The following SEPTIN12 variants were observed in gnomAD, a reference collection of about 807,000 sequenced individuals.
SEPTIN12 encodes the protein septin 12.
SEPTIN12 carries 42 observed loss-of-function variants against 37.7 expected under a neutral mutation model. The observed-to-expected ratio is 1.11, with a 90% CI of 0.87 to 1.44. SEPTIN12 has a LOEUF of 1.44. Ranked by LOEUF, SEPTIN12 falls within the 40% of genes most tolerant of loss-of-function variation. SEPTIN12 has a pLI of 0.00. For missense variants in SEPTIN12, 613 were observed against 479.2 expected, an observed-to-expected ratio of 1.28 and a Z score of -2.61; for synonymous variants, 254 against 196.7, an observed-to-expected ratio of 1.29 and a Z score of -2.44.
chr16:4,779,813 G>A (rs1321955636), intron 7 of SEPTIN12, 27 bp from the exon 8 acceptor site: 10 of 1,509,286 alleles, frequency 6.6e-6, no homozygotes, highest in Non-Finnish European at 9.2e-6. Context: ...CACAGAGATG[G>A]GAGGATTGAC....
At chr16:4,783,202 C>A in intron 7 of SEPTIN12, 1 of 473,092 alleles carries the variant, frequency 2.1e-6, no homozygotes. Context: ...AGCCACTGTG[C>A]CCGGCCCAAT....
Position 4,783,923 on chromosome 16 carries a change from C to T in SEPTIN12, c.512+8G>A. 1.2e-6 allele frequency: 2 copies of T among 1,614,062 alleles called. No homozygotes were observed. The highest frequency in any genetic ancestry group is 1.7e-6 in the Non-Finnish European group (2 of 1,179,938). ...GTGGTCCTCGCCTTGCAGGTGCAGC[C>T]CCCTCACCAGTGCCCAGTGGGTGGT... is the stretch of plus-strand genomic sequence containing the variant. On this transcript the variant is annotated splice_region_variant and intron_variant, in intron 5 of 9. Coordinates refer to ENST00000268231, the MANE Select transcript of SEPTIN12 (RefSeq NM_144605.5).
intron 2 of SEPTIN12, among the ~76,000 whole-genome samples, 157 bp from the exon 3 acceptor site, chr16:4,786,262 C>T (rs1429780177): frequency 6.6e-6 from 1 of 152,118 alleles, no homozygotes; most frequent in African/African-American, 2.4e-5. Flanking sequence ...CAGCCTCGAC[C>T]TTCCCAGACT....
chr16:4,778,099 C>A lies in SEPTIN12; in HGVS notation c.862G>T (p.Asp288Tyr). 1 of 1,614,170 alleles carries A rather than the reference C, an allele frequency of 6.2e-7. No individual in the cohort carries two copies. Among genetic ancestry groups the A allele is most frequent in the Non-Finnish European group, 8.5e-7 (1 of 1,180,020 alleles). ...CCACACCCTCACCGGATAAGCAGGT[C>A]TCTCAGGAGAGGAAATTCACAGTGC... is the stretch of plus-strand genomic sequence containing the variant. The part of the protein sequence containing the change: ...MAHCEFPLLR[D>Y]LLIRSHLQDL... Residue 288 changes from aspartate to tyrosine, a missense_variant, in exon 9 of 10, where the codon GAC becomes TAC. By Grantham distance (160) the Asp-to-Tyr change is radical. Transcript: ENST00000268231.
chr16:4,781,495 T>C (rs778724305), intron 7 of SEPTIN12, among the ~76,000 whole-genome samples: 1 of 152,112 alleles, frequency 6.6e-6, no homozygotes, highest in Non-Finnish European at 1.5e-5. Flanking sequence ...TTTCTGTCTC[T>C]ATAGATTTGC....
At chr16:4,786,241 C>T in intron 2 of SEPTIN12, 136 bp from the exon 3 acceptor site, 2 of 1,162,064 alleles carry the variant, frequency 1.7e-6, no homozygotes, top group Non-Finnish European at 2.4e-6. Context: ...TGATGCAATC[C>T]CCGTTCACTG....
intron 7 of SEPTIN12, among the ~76,000 whole-genome samples, chr16:4,782,973 T>C (rs901164248): frequency 1.3e-5 from 2 of 151,220 alleles, no homozygotes; most frequent in African/African-American, 4.9e-5. Context: ...TGGCGCCATC[T>C]CAGCTCACTC....
In SEPTIN12 at chr16:4,786,103, G is replaced by T. The variant is rs753393524; in HGVS notation, c.169C>A (p.Gln57Lys). 3.7e-6 allele frequency: 6 copies of T among 1,600,150 alleles called. No homozygotes were observed. Among genetic ancestry groups the T allele is most frequent in the Non-Finnish European group, 5.1e-6 (6 of 1,171,360 alleles). Residue 57 changes from glutamine to lysine, a missense_variant and splice_region_variant, in exon 3 of 10, where the codon CAA becomes AAA. Physicochemically the swap from Gln to Lys is moderately conservative, Grantham distance 53 (BLOSUM62 1). Transcript: ENST00000268231. ...GFEFNIMVVG[Q>K]SGLGKSTMVN... ...ATCGTGGACTTGCCCAGCCCGCTTT[G>T]CCCTGGGAGTGGCAACCGGATGACA...
At chr16:4,787,826 G>C in intron 1 of SEPTIN12, 159 bp from the exon 2 acceptor site, 1 of 588,464 alleles carries the variant, frequency 1.7e-6, no homozygotes, top group East Asian at 2.8e-5. Context: ...CCAGGGGTGT[G>C]GCAAGGGTGC....
upstream of SEPTIN12, among the ~76,000 whole-genome samples, chr16:4,790,973 G>A (rs1204590224): frequency 6.6e-6 from 1 of 152,170 alleles, no homozygotes; most frequent in Non-Finnish European, 1.5e-5. Context: ...CAGCACGGGG[G>A]CCTCTCCCAT....
In SEPTIN12 at chr16:4,783,972, C is replaced by T. The variant is rs772998754; in HGVS notation, c.471G>A (p.Arg157=). 6.2e-7 allele frequency: 1 copy of T among 1,614,176 alleles called. No individual in the cohort carries two copies. Among genetic ancestry groups the T allele is most frequent in the East Asian group, 2.2e-5 (1 of 44,876 alleles). Residue 157 remains arginine (R), a synonymous_variant, in exon 5 of 10, where the codon CGG becomes CGA. Coordinates refer to ENST00000268231, the MANE Select transcript of SEPTIN12 (RefSeq NM_144605.5). The stretch of plus-strand genomic sequence containing the variant: ...GTACAAAGTACACGCAGCAGTGCAC[C>T]CGGGTGTCTGGGATGTGGCGCTGGC... ...ITRQRHIPDT[R]VHCCVYFVPP...
chr16:4,789,618 G>A (rs914208409), upstream of SEPTIN12, among the ~76,000 whole-genome samples: 4 of 152,038 alleles, frequency 2.6e-5, no homozygotes, highest in Non-Finnish European at 5.9e-5. Context: ...TAGCCCCTGC[G>A]CCCAGCCCTT....
At position 4,787,621 on chromosome 16, in the gene SEPTIN12, A is replaced by G. The variant is rs1264874892; in HGVS notation, c.25T>C (p.Ser9Pro). 1.3e-6 allele frequency: 2 copies of G among 1,598,538 alleles called. No homozygotes were observed. The stretch of plus-strand genomic sequence containing the variant: ...GAGGGCTGCGAGGACAGGCAGGGAG[A>G]GGGGGAGCGCCTCAGGGGGTCCATG... MDPLRRSP[S>P]PCLSSQPSSP... The change falls in exon 2 of 10, where the codon TCT (serine) becomes CCT (proline). Residue 9 changes from serine (S) to proline (P), a missense_variant. Coordinates refer to ENST00000268231, the MANE Select transcript of SEPTIN12 (RefSeq NM_144605.5).
At position 4,787,556 on chromosome 16, in the gene SEPTIN12, C is replaced by G; in HGVS notation, c.90G>C (p.Val30=). 6.2e-7 allele frequency: 1 copy of G among 1,611,760 alleles called. No homozygotes were observed. The highest frequency in any genetic ancestry group is 8.5e-7 in the Non-Finnish European group (1 of 1,179,858). The change falls in exon 2 of 10, where the codon GTG becomes GTC. Residue 30 remains valine (V), a synonymous_variant. Coordinates refer to ENST00000268231, the MANE Select transcript of SEPTIN12 (RefSeq NM_144605.5). ...STPPCEMLGP[V]GIEAVLDQLK... is the part of the protein sequence containing the mutation. ...GCTGGTCCAGCACAGCCTCAATGCCCACAGGACCAAGCATCTCGCAGGGTG... is the reference window on the plus strand; with the variant it reads ...GCTGGTCCAGCACAGCCTCAATGCCGACAGGACCAAGCATCTCGCAGGGTG...
In SEPTIN12 at chr16:4,779,694, A is replaced by G; in HGVS notation, c.819T>C (p.Ile273=). 2 of 1,608,712 alleles carry G rather than the reference A, an allele frequency of 1.2e-6. No individual in the cohort carries two copies. The highest frequency in any genetic ancestry group is 1.7e-6 in the Non-Finnish European group (2 of 1,175,212). The part of the protein sequence containing the change: ...VLGRKTKWGI[I]EVENMAHCEF... Reference sequence around the variant, plus strand: ...ACCCAGGGGCCCCGCACTGACCTTCAATGATGCCCCACTTGGTCTTCCGGC... The same window carrying G: ...ACCCAGGGGCCCCGCACTGACCTTCGATGATGCCCCACTTGGTCTTCCGGC... Residue 273 remains isoleucine, a synonymous_variant, in exon 8 of 10, where the codon ATT becomes ATC. Coordinates refer to ENST00000268231, the MANE Select transcript of SEPTIN12 (RefSeq NM_144605.5).
Position 4,777,712 on chromosome 16 carries a change from A to G in SEPTIN12, c.*85T>C. The G allele has an allele frequency of 9.8e-7, 1 of 1,021,736 alleles. No homozygotes were observed. Among genetic ancestry groups the G allele is most frequent in the African/African-American group, 1.6e-5 (1 of 61,558 alleles). The allele number at this position is 1,021,736 out of a possible 1,614,324, so 63.3% of individuals were successfully genotyped here. A position where few individuals can be genotyped will look rare whatever the true frequency, so the allele number is the denominator to read the frequency against. ...GCTTTTCATAAAAAGCAAGGCTCAC[A>G]TTTAATAGATGCTCTGGTACATAGG... On this transcript the variant is annotated 3_prime_UTR_variant, in exon 10 of 10. Coordinates refer to ENST00000268231, the MANE Select transcript of SEPTIN12 (RefSeq NM_144605.5).
At chr16:4,783,289 T>C (rs964543683) in intron 7 of SEPTIN12, 173 bp downstream of exon 7, 1 of 628,700 alleles carries the variant, frequency 1.6e-6, no homozygotes, top group Non-Finnish European at 2.9e-6. Context: ...CTGTGGGTTG[T>C]TAGTGTGAGC....
At position 4,785,906 on chromosome 16, in the gene SEPTIN12, A is replaced by T; in HGVS notation, c.293-18T>A. On this transcript the variant is annotated intron_variant, in intron 3 of 9. Transcript: ENST00000268231. ...CTCTATGACTGTGGAGGGAGAGCAG[A>T]GTCGGGAGAGACTGGACCCAGGTGG... 1.4e-6 allele frequency: 2 copies of T among 1,413,002 alleles called. No homozygotes were observed. The highest frequency in any genetic ancestry group is 1.5e-5 in the African/African-American group (1 of 66,212). 87.5% of individuals were successfully genotyped at this position (1,413,002 alleles called of 1,614,324 possible).
At position 4,784,997 on chromosome 16, in the gene SEPTIN12, AG is replaced by A. The variant is rs765242546; in HGVS notation, c.374+809del. 2.6e-5 allele frequency among the ~76,000 whole-genome samples: 4 copies of A among 152,186 alleles called. No individual in the cohort carries two copies. The South Asian group carries it at 8.3e-4, about 32-fold the overall frequency. The stretch of plus-strand genomic sequence containing the variant: ...TGCAGTGGCTCACACCTGTAATCCC[AG>A]CACTTTGGGAGACTGAGGTGGGCGG... On this transcript the variant is annotated intron_variant, in intron 4 of 9. Coordinates refer to ENST00000268231, the MANE Select transcript of SEPTIN12 (RefSeq NM_144605.5).
Sources: gnomAD v4.1 joint callset for allele counts (sites outside exome capture counted in the v4.1 genomes callset) on GRCh38, gnomAD v4.1.1 for gene constraint, MANE v1.5 for transcripts, NCBI Gene and HGNC (gene_info 2026-07-23, HGNC 2026-07-21) for gene names.